The following NID2 variants were observed in gnomAD, a reference collection of about 807,000 sequenced individuals.
NID2 encodes the protein nidogen-2.
In NID2, 83 loss-of-function variants were observed where a neutral mutation model predicts 145.4. The observed-to-expected ratio is 0.57, with a 90% CI of 0.48 to 0.69. The LOEUF (loss-of-function observed/expected upper bound fraction) is 0.69. Ranked by LOEUF, NID2 falls within the 30% of genes least tolerant of loss-of-function variation. The pLI is 0.00. For missense variants in NID2, 1,807 were observed against 1,765.7 expected, an observed-to-expected ratio of 1.02 and a Z score of -0.42; for synonymous variants, 739 against 701.3, an observed-to-expected ratio of 1.05 and a Z score of -0.85.
chr14:52,006,517 C>A lies in NID2; in HGVS notation c.4004+20G>T. The A allele has an allele frequency of 6.2e-7, 1 of 1,612,790 alleles. No individual in the cohort carries two copies. The highest frequency in any genetic ancestry group is 1.1e-5 in the South Asian group (1 of 90,944). The stretch of plus-strand genomic sequence containing the variant: ...GAACAGTTGGCCTTTTCAGGCTTGT[C>A]CAGAATTTGTGGGGCTCACCTCCTC... On this transcript the variant is annotated intron_variant, in intron 20 of 21. Transcript: ENST00000216286.
At position 52,042,367 on chromosome 14, in the gene NID2, C is replaced by G; in HGVS notation, c.1580-17G>C. 1.3e-6 allele frequency: 2 copies of G among 1,597,746 alleles called. No individual in the cohort carries two copies. The highest frequency in any genetic ancestry group is 1.7e-6 in the Non-Finnish European group (2 of 1,168,360). On this transcript the variant is annotated splice_polypyrimidine_tract_variant and intron_variant, in intron 6 of 21. Transcript: ENST00000216286. ...GAGGTGCCCCTAAAAGACAGCAAAT[C>G]CAGTTAGGCTTGGACGTCATCCTGG... is the stretch of plus-strand genomic sequence containing the variant.
intron 5 of NID2, among the ~76,000 whole-genome samples, chr14:52,047,650 A>T (rs1025461573): frequency 6.6e-6 from 1 of 152,140 alleles, no homozygotes; most frequent in African/African-American, 2.4e-5. Context: ...GGTGGAACCG[A>T]GAGGGTTTGC....
intron 16 of NID2, 36 bp from the exon 17 acceptor site, chr14:52,011,719 G>A: frequency 6.2e-7 from 1 of 1,612,842 alleles, no homozygotes; most frequent in Non-Finnish European, 8.5e-7. Flanking sequence ...GAAGAATTAG[G>A]TTACATTTCC....
chr14:52,030,529 A>T lies in NID2; in HGVS notation c.2258-839T>A, dbSNP rs1313728053. On this transcript the variant is annotated intron_variant, in intron 9 of 21. Transcript: ENST00000216286. Reference sequence around the variant, plus strand: ...AAAGAAAGAAAGAAAAGAAAGAAAGAAAGAAAGAAAGAAAGAAAGAAAGAA... The same window carrying T: ...AAAGAAAGAAAGAAAAGAAAGAAAGTAAGAAAGAAAGAAAGAAAGAAAGAA... Among the ~76,000 whole-genome samples the T allele has an allele frequency of 1.3e-4, 6 of 47,226 alleles. 1 individual carries two copies. Among genetic ancestry groups the T allele is most frequent in the Admixed American group, 5.1e-4 (2 of 3,936 alleles). 31.0% of individuals were successfully genotyped at this position (47,226 alleles called of 152,430 possible). A position where few individuals can be genotyped will look rare whatever the true frequency, so the allele number is the denominator to read the frequency against.
At chr14:52,054,900 C>T (rs1371463685) in intron 3 of NID2, among the ~76,000 whole-genome samples, 1 of 152,200 alleles carries the variant, frequency 6.6e-6, no homozygotes, top group Non-Finnish European at 1.5e-5. Context: ...TATCAATCTG[C>T]CCCATAATCC....
At chr14:52,062,092 G>A (rs1893035464) in intron 2 of NID2, among the ~76,000 whole-genome samples, 2 of 152,266 alleles carry the variant, frequency 1.3e-5, no homozygotes, top group South Asian at 4.1e-4. Flanking sequence ...TACTCCCACA[G>A]TTGTTCTAGC....
chr14:52,029,584 G>A lies in NID2; in HGVS notation c.2364C>T (p.Cys788=), dbSNP rs780512709. 2.3e-5 allele frequency: 37 copies of A among 1,613,096 alleles called. 1 individual carries two copies. The highest frequency in any genetic ancestry group is 2.0e-4 in the East Asian group (9 of 44,892). The change falls in exon 10 of 22, where the codon TGC becomes TGT. Residue 788 remains cysteine (C), a synonymous_variant. Coordinates refer to ENST00000216286, the MANE Select transcript of NID2 (RefSeq NM_007361.4). ...GTCCATCTCCCTGGTACCCAGATGC[G>A]CACTCACAGGTGTAATCTACACCTG... is the stretch of plus-strand genomic sequence containing the variant. ...PGTGVDYTCE[C]ASGYQGDGRN...
chr14:52,064,055 T>C (rs1893108341), intron 2 of NID2, among the ~76,000 whole-genome samples: 1 of 152,208 alleles, frequency 6.6e-6, no homozygotes, highest in Non-Finnish European at 1.5e-5. Context: ...CTGAACTCTC[T>C]TGGATGGGCT....
intron 18 of NID2, chr14:52,009,497 G>T (rs1890925730): frequency 2.0e-5 from 3 of 152,126 alleles, no homozygotes; most frequent in Admixed American, 2.0e-4. Flanking sequence ...GGTTCAAGGT[G>T]GGTTTTCTTT....
At chr14:52,066,073 C>G (rs1893198297) in intron 2 of NID2, among the ~76,000 whole-genome samples, 1 of 152,056 alleles carries the variant, frequency 6.6e-6, no homozygotes, top group Non-Finnish European at 1.5e-5. Context: ...ATGAAACATT[C>G]TGAAGCCAAC....
chr14:52,048,389 G>A (rs182172405), intron 5 of NID2, among the ~76,000 whole-genome samples: 8 of 152,306 alleles, frequency 5.3e-5, no homozygotes, highest in East Asian at 3.9e-4. Flanking sequence ...TCCGGCCAAC[G>A]TGACTGCTCA....
At chr14:52,042,606 G>A (rs1271992022) in intron 6 of NID2, among the ~76,000 whole-genome samples, 176 bp downstream of exon 6, 1 of 152,174 alleles carries the variant, frequency 6.6e-6, no homozygotes, top group Non-Finnish European at 1.5e-5. Flanking sequence ...TCCTCAAATT[G>A]GGAATCAGCC....
At chr14:52,057,193 C>A (rs1202930225) in intron 3 of NID2, among the ~76,000 whole-genome samples, 1 of 152,048 alleles carries the variant, frequency 6.6e-6, no homozygotes, top group South Asian at 2.1e-4. Flanking sequence ...GGGTGCACAC[C>A]ACCACACCCA....
At chr14:52,067,626 T>TA (rs1893264076) in intron 2 of NID2, among the ~76,000 whole-genome samples, 2 of 152,206 alleles carry the variant, frequency 1.3e-5, no homozygotes, top group African/African-American at 4.8e-5. Context: ...CGCTCTCATA[T>TA]CCGCTAAGCA....
At position 52,068,996 on chromosome 14, in the gene NID2, C is replaced by A; in HGVS notation, c.-2G>T. On this transcript the variant is annotated 5_prime_UTR_variant, in exon 1 of 22. Coordinates refer to ENST00000216286, the MANE Select transcript of NID2 (RefSeq NM_007361.4). ...CCCGGCCACCCGGTCCCCCTCCATG[C>A]TCGCTCGGCCGTGCGCTTACCCGCT... 1.9e-6 allele frequency: 3 copies of A among 1,606,040 alleles called. No individual in the cohort carries two copies. The highest frequency in any genetic ancestry group is 2.6e-6 in the Non-Finnish European group (3 of 1,175,994).
chr14:52,058,275 C>T lies in NID2; in HGVS notation c.767+1849G>A, dbSNP rs146518822. Among the ~76,000 whole-genome samples, 533 of 152,282 alleles carry T rather than the reference C, an allele frequency of 3.5e-3. 2 individuals are homozygous for T. Among genetic ancestry groups the T allele is most frequent in the African/African-American group, 0.012 (481 of 41,556 alleles). On this transcript the variant is annotated intron_variant, in intron 3 of 21. Coordinates refer to ENST00000216286, the MANE Select transcript of NID2 (RefSeq NM_007361.4). ...AAACACCACTTACATAGCAAAAGAA[C>T]CATTTTGGTTTTAAAAGTTTTGTAT...
In NID2 at chr14:52,005,440, C is replaced by T. The variant is rs769793267; in HGVS notation, c.*46G>A. 6.5e-7 allele frequency: 1 copy of T among 1,544,860 alleles called. No individual in the cohort carries two copies. The highest frequency in any genetic ancestry group is 2.2e-5 in the East Asian group (1 of 44,510). On this transcript the variant is annotated 3_prime_UTR_variant, in exon 22 of 22. Coordinates refer to ENST00000216286, the MANE Select transcript of NID2 (RefSeq NM_007361.4). ...CTTTGCAGTCACTGTTCTTTAGGGT[C>T]CAGGTTCTGATTGTAAACTCCAAGT...
chr14:52,011,766 C>A, intron 16 of NID2, 83 bp from the exon 17 acceptor site: 1 of 1,500,010 alleles, frequency 6.7e-7, no homozygotes. Flanking sequence ...TCATGCACAG[C>A]TGCAGTGAGC....
At chr14:52,032,631 CA>C (rs1891908088) in intron 9 of NID2, among the ~76,000 whole-genome samples, 1 of 152,132 alleles carries the variant, frequency 6.6e-6, no homozygotes, top group Non-Finnish European at 1.5e-5. Flanking sequence ...AAATGCCTGG[CA>C]TACCCCACCA....
Sources: allele counts gnomAD v4.1 joint callset (sites outside exome capture counted in the v4.1 genomes callset), GRCh38; gene constraint gnomAD v4.1.1; transcripts MANE v1.5; gene names NCBI Gene and HGNC (gene_info 2026-07-23, HGNC 2026-07-21).